Variants in UBE2E2 observed in about 807,000 individuals in gnomAD.
The protein encoded by UBE2E2 is ubiquitin conjugating enzyme E2 E2.
UBE2E2 carries 6 observed loss-of-function variants against 24.7 expected under a neutral mutation model. The ratio of observed to expected loss-of-function variants is 0.24; its 90% confidence interval spans 0.13 to 0.48. UBE2E2 has a LOEUF of 0.48. Among genes scored for constraint, UBE2E2 ranks in the 20% least tolerant of loss-of-function variants. The probability of loss-of-function intolerance (pLI) is 0.99; values close to 1 mark genes in which losing one functional copy is unlikely to be tolerated. For synonymous variants in UBE2E2, 104 were observed against 83.6 expected (o/e 1.24, Z -1.33); for missense variants, 169 against 245.0 (o/e 0.69, Z 2.07).
intron 3 of UBE2E2, among the ~76,000 whole-genome samples, chr3:23,379,559 AC>A (rs1162152760): frequency 6.6e-6 from 1 of 150,806 alleles, no homozygotes; most frequent in Non-Finnish European, 1.5e-5. Context: ...CCATGTCCCT[AC>A]AAAGGACATG....
intron 3 of UBE2E2, among the ~76,000 whole-genome samples, chr3:23,373,824 C>T (rs544229549): frequency 2.6e-5 from 4 of 152,108 alleles, no homozygotes; most frequent in Admixed American, 6.5e-5. Context: ...GGTCACTATA[C>T]ACATAACAAA....
At chr3:23,383,833 T>G (rs1696739782) in intron 3 of UBE2E2, among the ~76,000 whole-genome samples, 1 of 152,142 alleles carries the variant, frequency 6.6e-6, no homozygotes, top group Admixed American at 6.5e-5. Flanking sequence ...CAATATGATT[T>G]TTTTTTAGGC....
chr3:23,498,308 T>C (rs1699649776), intron 3 of UBE2E2, among the ~76,000 whole-genome samples: 1 of 152,176 alleles, frequency 6.6e-6, no homozygotes, highest in African/African-American at 2.4e-5. Flanking sequence ...TTACTGAGGG[T>C]AAAAATCCAG....
At chr3:23,435,907 G>A (rs1421982169) in intron 3 of UBE2E2, among the ~76,000 whole-genome samples, 3 of 152,080 alleles carry the variant, frequency 2.0e-5, no homozygotes, top group African/African-American at 4.8e-5. Context: ...CGGCAGGGGC[G>A]GGGCAGGCTG....
chr3:23,204,936 C>T (rs1444335418), intron 1 of UBE2E2, among the ~76,000 whole-genome samples: 1 of 152,108 alleles, frequency 6.6e-6, no homozygotes, highest in Non-Finnish European at 1.5e-5. Context: ...TAAGGCTTAC[C>T]TGGGTAGTAG....
chr3:23,569,197 C>G (rs1025454169), intron 5 of UBE2E2, among the ~76,000 whole-genome samples: 1 of 152,122 alleles, frequency 6.6e-6, no homozygotes, highest in African/African-American at 2.4e-5. Flanking sequence ...ACCTTGAGAA[C>G]ATGCTTTGTA....
chr3:23,342,192 T>C (rs1320922631), intron 3 of UBE2E2, among the ~76,000 whole-genome samples: 1 of 151,912 alleles, frequency 6.6e-6, no homozygotes, highest in Non-Finnish European at 1.5e-5. Flanking sequence ...GTTTAGTTTT[T>C]TTTTTTTTTT....
At chr3:23,255,668 A>G (rs1161732361) in intron 3 of UBE2E2, among the ~76,000 whole-genome samples, 1 of 152,206 alleles carries the variant, frequency 6.6e-6, no homozygotes. Flanking sequence ...ATTTTACAGA[A>G]GTATGAGCTT....
intron 3 of UBE2E2, among the ~76,000 whole-genome samples, chr3:23,274,852 C>T (rs4858490): frequency 1.2e-4 from 18 of 152,184 alleles, no homozygotes; most frequent in South Asian, 2.1e-4. Context: ...AATAGTATCC[C>T]TTTTTTTTGA....
chr3:23,506,313 A>G (rs1464484675), intron 4 of UBE2E2, among the ~76,000 whole-genome samples: 1 of 152,208 alleles, frequency 6.6e-6, no homozygotes, highest in Non-Finnish European at 1.5e-5. Flanking sequence ...CTCAAACTTA[A>G]CAAATCCAGA....
At chr3:23,416,843 G>A (rs549310483) in intron 3 of UBE2E2, among the ~76,000 whole-genome samples, 5 of 152,072 alleles carry the variant, frequency 3.3e-5, no homozygotes, top group Non-Finnish European at 7.4e-5. Context: ...GATCAATTCG[G>A]CTATTGATAC....
intron 3 of UBE2E2, among the ~76,000 whole-genome samples, chr3:23,232,821 CAT>C (rs532048037): frequency 1.6e-3 from 243 of 152,294 alleles, no homozygotes; most frequent in African/African-American, 5.5e-3. Flanking sequence ...AGATGACCAT[CAT>C]GTGTATAGGC....
chr3:23,561,059 G>A (rs1695916272), intron 5 of UBE2E2, among the ~76,000 whole-genome samples: 1 of 152,146 alleles, frequency 6.6e-6, no homozygotes, highest in Non-Finnish European at 1.5e-5. Flanking sequence ...CTGTGCAGAA[G>A]CTCTTTAGTT....
chr3:23,296,899 CGTT>C (rs990510797), intron 3 of UBE2E2, among the ~76,000 whole-genome samples: 54 of 152,144 alleles, frequency 3.5e-4, no homozygotes, highest in African/African-American at 1.2e-3. Context: ...CTTCCACAAT[CGTT>C]GAACTAGTTT....
chr3:23,341,866 A>T (rs964918800), intron 3 of UBE2E2, among the ~76,000 whole-genome samples: 1 of 152,242 alleles, frequency 6.6e-6, no homozygotes, highest in South Asian at 2.1e-4. Flanking sequence ...AAAGGAATCA[A>T]TGAGAAGATG....
At position 23,208,790 on chromosome 3, in the gene UBE2E2, C is replaced by T. The variant is rs200598867; in HGVS notation, c.91C>T (p.Pro31Ser). Reference protein sequence around the residue: ...GDQRESVQQEPEREQVQPKKK... With the variant: ...GDQRESVQQESEREQVQPKKK... ...TCAACGTGAAAGTGTTCAGCAAGAA[C>T]CAGAAAGAGAACAAGTTCAGCCCAA... Residue 31 changes from proline (P) to serine (S), a missense_variant, in exon 2 of 6, where the codon CCA becomes TCA. This residue lies in a region of UBE2E2 where 64 missense variants were observed against 64.3 expected (regional missense o/e 1.00). Transcript: ENST00000396703. The T allele has an allele frequency of 1.1e-5, 18 of 1,613,562 alleles. No homozygotes were observed. In the East Asian group the frequency reaches 3.6e-4, roughly 32 times the overall value.
At chr3:23,578,016 AAAAAAAAAAAG>A (rs1174200683) in intron 5 of UBE2E2, among the ~76,000 whole-genome samples, 2 of 151,988 alleles carry the variant, frequency 1.3e-5, no homozygotes, top group African/African-American at 4.8e-5. Flanking sequence ...TCAGAAAAAA[AAAAAAAAAAAG>A]ATTCTTTTCA....
intron 3 of UBE2E2, among the ~76,000 whole-genome samples, chr3:23,388,725 G>A (rs1373546211): frequency 6.6e-6 from 1 of 152,018 alleles, no homozygotes; most frequent in Non-Finnish European, 1.5e-5. Context: ...ACATAATTCA[G>A]GCCAGGCACA....
chr3:23,318,162 AT>A (rs575001887), intron 3 of UBE2E2, among the ~76,000 whole-genome samples: 20 of 151,914 alleles, frequency 1.3e-4, no homozygotes, highest in African/African-American at 4.3e-4. Context: ...TTTTAAAAAA[AT>A]TTTTTTTATT....
Sources: gnomAD v4.1 joint callset for allele counts (sites outside exome capture counted in the v4.1 genomes callset) on GRCh38, gnomAD v4.1.1 for gene constraint, gnomAD v4.1.1 regional missense constraint, MANE v1.5 for transcripts, NCBI Gene and HGNC (gene_info 2026-07-23, HGNC 2026-07-21) for gene names.